TOP6BL: variants seen among roughly 807,000 people sequenced by gnomAD.
TOP6BL encodes the protein type 2 DNA topoisomerase 6 subunit B-like.
the TOP6BL span, among the ~76,000 whole-genome samples, chr11:66,752,144 T>C: frequency 0.017 from 2,454 of 141,492 alleles, 32 homozygotes; most frequent in South Asian, 0.041. Context: ...CTCTCTCTCT[T>C]TTTTTTTTTT....
At chr11:66,808,944 G>A in the TOP6BL span, among the ~76,000 whole-genome samples, 1 of 151,872 alleles carries the variant, frequency 6.6e-6, no homozygotes, top group Admixed American at 6.6e-5. Flanking sequence ...AGACAGATTT[G>A]TGTGTGTGTG....
chr11:66,838,245 G>T, the TOP6BL span: 1 of 738,832 alleles, frequency 1.4e-6, no homozygotes, highest in Non-Finnish European at 2.3e-6. Context: ...AGGAGGAAGA[G>T]GGAGTTCCAG....
chr11:66,815,738 A>AC, the TOP6BL span: 37 of 239,916 alleles, frequency 1.5e-4, no homozygotes, highest in East Asian at 3.1e-3. Flanking sequence ...CTAACCTCTT[A>AC]CCAGCCATAC....
the TOP6BL span, among the ~76,000 whole-genome samples, chr11:66,813,025 G>T: frequency 1.3e-5 from 2 of 152,194 alleles, no homozygotes; most frequent in Non-Finnish European, 2.9e-5. Flanking sequence ...TCAGGGGCAT[G>T]CCTTCCTTTG....
the TOP6BL span, chr11:66,796,171 A>G: frequency 5.0e-6 from 4 of 793,828 alleles, no homozygotes; most frequent in Admixed American, 8.2e-5. Context: ...TTGGTTGTCC[A>G]AAAAGCTTTC....
chr11:66,750,134 T>G, the TOP6BL span, among the ~76,000 whole-genome samples: 1 of 152,220 alleles, frequency 6.6e-6, no homozygotes, highest in Non-Finnish European at 1.5e-5. Flanking sequence ...ACTATACATA[T>G]GACTGTGCTA....
chr11:66,775,195 T>C, the TOP6BL span, among the ~76,000 whole-genome samples: 2 of 151,790 alleles, frequency 1.3e-5, no homozygotes, highest in Non-Finnish European at 2.9e-5. Flanking sequence ...ATAGATTAAG[T>C]TGGTGGCAAT....
At chr11:66,838,740 T>A in the TOP6BL span, among the ~76,000 whole-genome samples, 3 of 152,164 alleles carry the variant, frequency 2.0e-5, no homozygotes, top group African/African-American at 7.2e-5. Flanking sequence ...ATTTTATTTT[T>A]ATTTTTTTGA....
chr11:66,798,888 A>T, the TOP6BL span, among the ~76,000 whole-genome samples: 2 of 151,946 alleles, frequency 1.3e-5, no homozygotes, highest in Non-Finnish European at 2.9e-5. Flanking sequence ...CCTGGCCAAC[A>T]TAGTGAAACC....
the TOP6BL span, among the ~76,000 whole-genome samples, chr11:66,791,188 C>G: frequency 6.6e-6 from 1 of 152,070 alleles, no homozygotes; most frequent in Non-Finnish European, 1.5e-5. Context: ...ATAAATGATC[C>G]ATTAATTTGG....
the TOP6BL span, chr11:66,761,698 G>C: frequency 1.1e-6 from 1 of 872,424 alleles, no homozygotes; most frequent in Non-Finnish European, 1.9e-6. Context: ...GGTCCGCAAG[G>C]AAATCCATTA....
At chr11:66,827,579 CT>C in the TOP6BL span, among the ~76,000 whole-genome samples, 1 of 151,918 alleles carries the variant, frequency 6.6e-6, no homozygotes, top group Non-Finnish European at 1.5e-5. Flanking sequence ...GCAGTAGAAC[CT>C]GTGCTGTCTT....
At chr11:66,791,164 A>G in the TOP6BL span, among the ~76,000 whole-genome samples, 2 of 152,220 alleles carry the variant, frequency 1.3e-5, no homozygotes, top group Non-Finnish European at 2.9e-5. Flanking sequence ...TAGAGACTCC[A>G]TGGAAAAGCT....
At chr11:66,841,609 T>A in the TOP6BL span, among the ~76,000 whole-genome samples, 3 of 152,232 alleles carry the variant, frequency 2.0e-5, no homozygotes, top group Non-Finnish European at 4.4e-5. Flanking sequence ...ATTACCAATA[T>A]ATTTCACCAG....
At chr11:66,764,683 A>T in the TOP6BL span, among the ~76,000 whole-genome samples, 5 of 145,338 alleles carry the variant, frequency 3.4e-5, no homozygotes, top group African/African-American at 1.4e-4. Flanking sequence ...AAAAAAATAA[A>T]GAAGTGAAAA....
the TOP6BL span, among the ~76,000 whole-genome samples, chr11:66,799,718 C>CA: frequency 3.3e-3 from 452 of 136,356 alleles, 1 homozygote; most frequent in Admixed American, 7.1e-3. Flanking sequence ...AACTCCGTCT[C>CA]AAAAAAAAAA....
the TOP6BL span, chr11:66,839,308 A>T: frequency 2.4e-6 from 1 of 413,840 alleles, no homozygotes; most frequent in African/African-American, 2.1e-5. Flanking sequence ...CATATGAGGA[A>T]ATTGAGGCCC....
the TOP6BL span, chr11:66,843,291 C>T: frequency 1.8e-5 from 28 of 1,586,508 alleles, 1 homozygote; most frequent in Non-Finnish European, 2.2e-5. Context: ...AGCCGTTATC[C>T]CGTGGTTTAA....
the TOP6BL span, among the ~76,000 whole-genome samples, chr11:66,811,127 A>G: frequency 6.6e-6 from 1 of 151,388 alleles, no homozygotes; most frequent in Non-Finnish European, 1.5e-5. Flanking sequence ...CTAATTTTGC[A>G]TGTGTGTGTG....
Sources: gnomAD v4.1 joint callset for allele counts (sites outside exome capture counted in the v4.1 genomes callset) on GRCh38, gnomAD v4.1.1 for gene constraint, MANE v1.5 for transcripts, NCBI Gene and HGNC (gene_info 2026-07-23, HGNC 2026-07-21) for gene names.